Variants in NFIB observed in about 807,000 individuals in gnomAD.
NFIB encodes nuclear factor 1 B-type.
In NFIB, 11 loss-of-function variants were observed where a neutral mutation model predicts 61.5. The observed-to-expected ratio is 0.18, with a 90% CI of 0.11 to 0.30. The LOEUF is 0.30. Among genes scored for constraint, NFIB ranks in the 10% least tolerant of loss-of-function variants. The pLI, the probability that NFIB is intolerant of heterozygous loss-of-function variation, is 1.00. For missense variants in NFIB, 471 were observed against 608.9 expected (o/e 0.77, Z 2.38); for synonymous variants, 260 against 216.5 (o/e 1.20, Z -1.76).
chr9:14,388,974 A>G (rs537816483), intron 1 of NFIB, among the ~76,000 whole-genome samples: 6 of 152,338 alleles, frequency 3.9e-5, no homozygotes, highest in African/African-American at 1.4e-4. Context: ...TCAGAGACCA[A>G]TTAAATCAGA....
At chr9:14,359,408 A>G (rs1407040325) in intron 1 of NFIB, among the ~76,000 whole-genome samples, 1 of 152,216 alleles carries the variant, frequency 6.6e-6, no homozygotes, top group Non-Finnish European at 1.5e-5. Context: ...AAGATGAGGA[A>G]GCAATGGCCA....
chr9:14,508,818 T>G, the NFIB span, among the ~76,000 whole-genome samples: 2 of 152,134 alleles, frequency 1.3e-5, no homozygotes, highest in African/African-American at 4.8e-5. Flanking sequence ...AGCAAAGGAG[T>G]CCTAGTTAAC....
At chr9:14,473,640 T>C in the NFIB span, among the ~76,000 whole-genome samples, 1 of 152,226 alleles carries the variant, frequency 6.6e-6, no homozygotes, top group Non-Finnish European at 1.5e-5. Context: ...TCTCCAAGTC[T>C]GCATCCCACT....
At chr9:14,402,082 C>T (rs973634608), upstream of NFIB, among the ~76,000 whole-genome samples, 19 of 152,026 alleles carry the variant, frequency 1.2e-4, no homozygotes, top group African/African-American at 4.3e-4. Flanking sequence ...AAATTTTCCC[C>T]AGAGACAGAA....
chr9:14,476,568 A>G, the NFIB span, among the ~76,000 whole-genome samples: 1 of 152,188 alleles, frequency 6.6e-6, no homozygotes, highest in African/African-American at 2.4e-5. Context: ...TACTTTCTAG[A>G]TGCTTTTTAT....
chr9:14,522,577 C>T, the NFIB span, among the ~76,000 whole-genome samples: 4 of 152,056 alleles, frequency 2.6e-5, no homozygotes, highest in South Asian at 2.1e-4. Context: ...AGAAGGTGAA[C>T]GAAGTTTGCG....
In NFIB at chr9:14,082,194, G is replaced by T. The variant is rs2032052701; in HGVS notation, c.*6115C>A. ...GCTAAAGGTTTGTTACATGGAGATT[G>T]TGCATGTGCCTCCTTTTGTAAAAAA... On this transcript the variant is annotated 3_prime_UTR_variant, in exon 11 of 11. Transcript: ENST00000380953. 4.9e-6 allele frequency: 1 copy of T among 206,180 alleles called. No homozygotes were observed. Among genetic ancestry groups the T allele is most frequent in the Non-Finnish European group, 9.9e-6 (1 of 100,618 alleles). The allele number at this position is 206,180 out of a possible 1,614,324, so 12.8% of individuals were successfully genotyped here.
intron 2 of NFIB, among the ~76,000 whole-genome samples, chr9:14,290,821 T>C (rs559787216): frequency 1.2e-4 from 19 of 152,224 alleles, no homozygotes; most frequent in Non-Finnish European, 2.6e-4. Flanking sequence ...GCCCCTAATG[T>C]TCTATATTCA....
At chr9:14,299,302 T>A (rs1402939404) in intron 2 of NFIB, among the ~76,000 whole-genome samples, 1 of 152,164 alleles carries the variant, frequency 6.6e-6, no homozygotes, top group African/African-American at 2.4e-5. Flanking sequence ...AAACAGTTCA[T>A]CTTCATTCAG....
At chr9:14,456,596 T>G in the NFIB span, among the ~76,000 whole-genome samples, 9 of 152,168 alleles carry the variant, frequency 5.9e-5, no homozygotes, top group Non-Finnish European at 1.3e-4. Flanking sequence ...ATGCTCAGCC[T>G]CACTCATAAC....
chr9:14,225,456 CAAAAAAAA>C (rs1228589594), intron 2 of NFIB, among the ~76,000 whole-genome samples: 9 of 58,014 alleles, frequency 1.6e-4, no homozygotes, highest in South Asian at 4.8e-4. Context: ...GACTCCGTCT[CAAAAAAAA>C]AAAAAAAAAA....
intron 2 of NFIB, among the ~76,000 whole-genome samples, chr9:14,216,496 C>G (rs1049716825): frequency 1.6e-3 from 2 of 1,264 alleles, no homozygotes; most frequent in Non-Finnish European, 0.028. Context: ...CATTCTTTCT[C>G]TCTCTCTCTC....
chr9:14,111,882 G>T (rs2037429939), intron 10 of NFIB, among the ~76,000 whole-genome samples: 1 of 152,064 alleles, frequency 6.6e-6, no homozygotes, highest in Non-Finnish European at 1.5e-5. Flanking sequence ...TCTGAGCTCT[G>T]CATGTGGTGA....
intron 9 of NFIB, 34 bp from the exon 10 acceptor site, chr9:14,113,115 T>A: frequency 6.5e-7 from 1 of 1,539,744 alleles, no homozygotes; most frequent in Non-Finnish European, 8.8e-7. Flanking sequence ...AAGATAAAAA[T>A]TGTGAACTAT....
At chr9:14,098,824 T>C (rs184978400) in intron 10 of NFIB, among the ~76,000 whole-genome samples, 2 of 152,234 alleles carry the variant, frequency 1.3e-5, no homozygotes, top group Non-Finnish European at 2.9e-5. Context: ...CACACACAGT[T>C]CACAAAACAG....
chr9:14,196,640 G>A (rs1176654603), intron 2 of NFIB, among the ~76,000 whole-genome samples: 1 of 149,934 alleles, frequency 6.7e-6, no homozygotes, highest in African/African-American at 2.5e-5. Context: ...CTTGAAATCA[G>A]GTTGAAAGAT....
chr9:14,100,857 G>A (rs1194573315), intron 10 of NFIB, among the ~76,000 whole-genome samples: 1 of 152,200 alleles, frequency 6.6e-6, no homozygotes, highest in Non-Finnish European at 1.5e-5. Flanking sequence ...ATAGCTATAG[G>A]TGCATTTACA....
At chr9:14,208,866 TTTAAG>T (rs2050025428) in intron 2 of NFIB, among the ~76,000 whole-genome samples, 1 of 152,068 alleles carries the variant, frequency 6.6e-6, no homozygotes, top group African/African-American at 2.4e-5. Context: ...CAGTCTTTTT[TTTAAG>T]TTTAGTTTCC....
In NFIB at chr9:14,365,512, C is replaced by T. The variant is rs550225712; in HGVS notation, c.108+33012G>A. 1.5e-3 allele frequency among the ~76,000 whole-genome samples: 227 copies of T among 152,298 alleles called. 2 individuals are homozygous for T. The highest frequency in any genetic ancestry group is 5.3e-3 in the African/African-American group (222 of 41,564). On this transcript the variant is annotated intron_variant, in intron 1 of 8. Coordinates refer to the NFIB transcript ENST00000380934. ...TTTTCCCTGCCCTGTGGGATAAGAT[C>T]CCTGCAGGTAGACCAGGAGGAATAA... is the stretch of plus-strand genomic sequence containing the variant.
Sources: allele counts gnomAD v4.1 joint callset (sites outside exome capture counted in the v4.1 genomes callset), GRCh38; gene constraint gnomAD v4.1.1; transcripts MANE v1.5; gene names NCBI Gene and HGNC (gene_info 2026-07-23, HGNC 2026-07-21).